ITPK1: variants seen among roughly 807,000 people sequenced by gnomAD.
ITPK1 encodes the protein inositol 1,3,4-trisphosphate 5/6-kinase.
In ITPK1, 21 loss-of-function variants were observed where a neutral mutation model predicts 45.3. The observed-to-expected ratio is 0.46, with a 90% CI of 0.33 to 0.67. The LOEUF is 0.67. Among genes scored for constraint, ITPK1 ranks in the 30% least tolerant of loss-of-function variants. The probability of loss-of-function intolerance (pLI) is 0.02; values close to 1 mark genes in which losing one functional copy is unlikely to be tolerated. For missense variants in ITPK1, 474 were observed against 573.5 expected, an observed-to-expected ratio of 0.83 and a Z score of 1.77; for synonymous variants, 258 against 253.6, an observed-to-expected ratio of 1.02 and a Z score of -0.16.
chr14:93,115,425 G>GGGCTCGCCCGCCCGCCCACC (rs1566794360), intron 1 of ITPK1, 120 bp from the exon 2 acceptor site: 2 of 149,002 alleles, frequency 1.3e-5, no homozygotes, highest in African/African-American at 4.9e-5. Flanking sequence ...CGCCGCCTGC[G>GGGCTCGCCCGCCCGCCCACC]GGCTCGCCCG....
rs111992962 is a variant in ITPK1, at chr14:93,035,573, G to A, written c.121-18772C>T. The stretch of plus-strand genomic sequence containing the variant: ...GTCAACAAATGGCCAAAGAGGCCAT[G>A]CTGCCTAGGAAACAGGACGGGAGGG... On this transcript the variant is annotated intron_variant, in intron 3 of 10. Transcript: ENST00000267615. 2.6e-5 allele frequency among the ~76,000 whole-genome samples: 4 copies of A among 152,112 alleles called. 1 individual carries two copies. The highest frequency in any genetic ancestry group is 9.6e-5 in the African/African-American group (4 of 41,546).
At chr14:93,050,194 A>T (rs1889947262) in intron 3 of ITPK1, among the ~76,000 whole-genome samples, 1 of 152,168 alleles carries the variant, frequency 6.6e-6, no homozygotes, top group South Asian at 2.1e-4. Context: ...CACTCGGTGC[A>T]TTTTAAAGAA....
Position 92,941,606 on chromosome 14 carries a change from C to G in ITPK1, c.1200G>C (p.Gln400His). Residue 400 changes from glutamine to histidine, a missense_variant, in exon 11 of 11, where the codon CAG becomes CAC. Gln to His is a conservative substitution (Grantham distance 24, BLOSUM62 0). This residue lies in a region of ITPK1 where 107 missense variants were observed against 92.9 expected (regional missense o/e 1.15). Coordinates refer to ENST00000267615, the MANE Select transcript of ITPK1 (RefSeq NM_014216.6). Reference protein sequence around the residue: ...GCNAGVSPSFQQHCVASLATK... With the variant: ...GCNAGVSPSFHQHCVASLATK... ...TGGCCAGGGAGGCCACACAATGCTG[C>G]TGGAAGCTGGGCGACACGCCGGCGT... The G allele has an allele frequency of 6.5e-7, 1 of 1,538,340 alleles. No homozygotes were observed. The highest frequency in any genetic ancestry group is 8.7e-7 in the Non-Finnish European group (1 of 1,144,754).
At chr14:93,057,953 G>A (rs1416190327) in intron 3 of ITPK1, among the ~76,000 whole-genome samples, 4 of 152,134 alleles carry the variant, frequency 2.6e-5, no homozygotes, top group African/African-American at 9.7e-5. Context: ...CCATCAGCTC[G>A]GCGAGAGCCC....
intron 2 of ITPK1, among the ~76,000 whole-genome samples, chr14:93,097,156 C>T (rs1892111469): frequency 6.6e-6 from 1 of 152,240 alleles, no homozygotes; most frequent in African/African-American, 2.4e-5. Flanking sequence ...AACGCGCAGA[C>T]CCGGATCACA....
At chr14:92,965,302 G>GA (rs1885286739) in intron 5 of ITPK1, among the ~76,000 whole-genome samples, 1 of 152,176 alleles carries the variant, frequency 6.6e-6, no homozygotes, top group Non-Finnish European at 1.5e-5. Flanking sequence ...AAAAGCATTT[G>GA]AAAAAATCTA....
At chr14:93,044,439 A>C (rs1357630549) in intron 3 of ITPK1, among the ~76,000 whole-genome samples, 1 of 152,256 alleles carries the variant, frequency 6.6e-6, no homozygotes, top group Non-Finnish European at 1.5e-5. Context: ...TAGCATAAAA[A>C]TTAAACCGAA....
At chr14:93,045,488 G>A (rs982252192) in intron 3 of ITPK1, among the ~76,000 whole-genome samples, 8 of 152,190 alleles carry the variant, frequency 5.3e-5, no homozygotes, top group Non-Finnish European at 1.2e-4. Context: ...TCCCTGAAAC[G>A]TACTGACAGC....
chr14:93,006,071 C>A (rs894337719), intron 4 of ITPK1, among the ~76,000 whole-genome samples: 1 of 152,128 alleles, frequency 6.6e-6, no homozygotes, highest in Non-Finnish European at 1.5e-5. Context: ...GCTGGCTGAG[C>A]AGCAGAGGGA....
At chr14:93,079,272 A>C (rs1343846783) in intron 2 of ITPK1, among the ~76,000 whole-genome samples, 1 of 152,220 alleles carries the variant, frequency 6.6e-6, no homozygotes, top group Non-Finnish European at 1.5e-5. Context: ...TGTCGCTCAG[A>C]GCTCCAAAAA....
At chr14:93,080,742 A>G (rs566589802) in intron 2 of ITPK1, among the ~76,000 whole-genome samples, 1 of 146,982 alleles carries the variant, frequency 6.8e-6, no homozygotes, top group East Asian at 2.0e-4. Flanking sequence ...TAAAAGTTAC[A>G]TTTTTTTTTT....
chr14:93,090,632 T>C (rs1405443776), intron 2 of ITPK1, among the ~76,000 whole-genome samples: 4 of 152,108 alleles, frequency 2.6e-5, no homozygotes, highest in Admixed American at 2.6e-4. Context: ...TTTCTTTTCT[T>C]TTTTTGGCCA....
chr14:92,992,196 C>A (rs1021647221), intron 5 of ITPK1, among the ~76,000 whole-genome samples: 3 of 152,248 alleles, frequency 2.0e-5, no homozygotes, highest in Non-Finnish European at 4.4e-5. Context: ...CCTTCTTCTG[C>A]TAGCTGGGCC....
chr14:93,114,054 G>A (rs1451135975), intron 2 of ITPK1, among the ~76,000 whole-genome samples: 1 of 152,180 alleles, frequency 6.6e-6, no homozygotes, highest in African/African-American at 2.4e-5. Flanking sequence ...GCCCCCACAG[G>A]GACAAAAATG....
chr14:92,940,695 A>T lies in ITPK1; in HGVS notation c.*866T>A. 3.9e-6 allele frequency: 5 copies of T among 1,285,536 alleles called. No homozygotes were observed. The highest frequency in any genetic ancestry group is 5.1e-6 in the Non-Finnish European group (5 of 987,042). The allele number at this position is 1,285,536 out of a possible 1,614,324, so 79.6% of individuals were successfully genotyped here. A position where few individuals can be genotyped will look rare whatever the true frequency, so the allele number is the denominator to read the frequency against. On this transcript the variant is annotated 3_prime_UTR_variant, in exon 11 of 11. Transcript: ENST00000267615. ...AAAGCCAGCCCTGTGGTGCTCTCTG[A>T]TCTCAAATGTCCACTAGAGACAAGG...
intron 2 of ITPK1, among the ~76,000 whole-genome samples, chr14:93,078,082 C>A (rs182434717): frequency 6.6e-6 from 1 of 152,218 alleles, no homozygotes; most frequent in African/African-American, 2.4e-5. Context: ...CACTCCTCAA[C>A]GGCTGCTGGC....
Position 92,953,817 on chromosome 14 carries a change from A to G in ITPK1, c.671-1804T>C, listed in dbSNP as rs570175888. Among the ~76,000 whole-genome samples, 33 of 152,344 alleles carry G rather than the reference A, an allele frequency of 2.2e-4. No individual in the cohort carries two copies. The South Asian group carries it at 6.8e-3, about 32-fold the overall frequency. On this transcript the variant is annotated intron_variant, in intron 8 of 10. Transcript: ENST00000267615. ...TCACCTGGACAGATCATGCAACACA[A>G]CAGTTTCTCCTGGCAGGAAGAGCTG... is the stretch of plus-strand genomic sequence containing the variant.
At position 93,098,185 on chromosome 14, in the gene ITPK1, G is replaced by A. The variant is rs535764593; in HGVS notation, c.95+16884C>T. 2.0e-4 allele frequency among the ~76,000 whole-genome samples: 30 copies of A among 151,824 alleles called. No individual in the cohort carries two copies. The South Asian group carries it at 2.5e-3, about 13-fold the overall frequency. The stretch of plus-strand genomic sequence containing the variant: ...AATGCAAAAATTAATGGCCGGGTGC[G>A]GTGGTTCATGCCTGTAATCCCAGCA... On this transcript the variant is annotated intron_variant, in intron 2 of 10. Coordinates refer to ENST00000267615, the MANE Select transcript of ITPK1 (RefSeq NM_014216.6).
chr14:93,020,600 CT>C (rs1888416384), intron 3 of ITPK1, among the ~76,000 whole-genome samples: 2 of 152,222 alleles, frequency 1.3e-5, no homozygotes. Context: ...TTGCACGTCG[CT>C]CCAGGATTGC....
Sources: gnomAD v4.1 joint callset for allele counts (sites outside exome capture counted in the v4.1 genomes callset) on GRCh38, gnomAD v4.1.1 for gene constraint, gnomAD v4.1.1 regional missense constraint, MANE v1.5 for transcripts, NCBI Gene and HGNC (gene_info 2026-07-23, HGNC 2026-07-21) for gene names.